Variants in PALM2AKAP2 observed in about 807,000 individuals in gnomAD.
The protein encoded by PALM2AKAP2 is PALM2-AKAP2 fusion protein.
In PALM2AKAP2, 37 loss-of-function variants were observed where a neutral mutation model predicts 71.5. The ratio of observed to expected loss-of-function variants is 0.52; its 90% confidence interval spans 0.40 to 0.68. PALM2AKAP2 has a LOEUF of 0.68. PALM2AKAP2 is among the 30% of genes least tolerant of loss of function. PALM2AKAP2 has a pLI of 0.00. For synonymous variants in PALM2AKAP2, 468 were observed against 478.8 expected, an observed-to-expected ratio of 0.98 and a Z score of 0.29; for missense variants, 1,224 against 1,191.8, an observed-to-expected ratio of 1.03 and a Z score of -0.40.
At chr9:110,029,110 C>A (rs1833233799) in intron 7 of PALM2AKAP2, among the ~76,000 whole-genome samples, 1 of 152,116 alleles carries the variant, frequency 6.6e-6, no homozygotes, top group Non-Finnish European at 1.5e-5. Context: ...CTGATCCATG[C>A]CAAGATTTGT....
chr9:110,051,620 A>AT (rs546973033), intron 1 of PALM2AKAP2, among the ~76,000 whole-genome samples: 61 of 152,328 alleles, frequency 4.0e-4, no homozygotes, highest in Admixed American at 1.8e-3. Flanking sequence ...GTGTTGAGGG[A>AT]TTTTAACAGT....
chr9:110,135,299 C>CAAAAAAA (rs71373970), intron 1 of PALM2AKAP2, among the ~76,000 whole-genome samples: 2 of 7,256 alleles, frequency 2.8e-4, no homozygotes, highest in Non-Finnish European at 4.8e-4. Context: ...AATCCCATCT[C>CAAAAAAA]AAAAAAAAAA....
chr9:109,878,693 G>A (rs1829771869), intron 2 of PALM2AKAP2, among the ~76,000 whole-genome samples: 1 of 152,140 alleles, frequency 6.6e-6, no homozygotes, highest in Non-Finnish European at 1.5e-5. Context: ...TCAATAGAAT[G>A]GTGAATCAGG....
intron 1 of PALM2AKAP2, among the ~76,000 whole-genome samples, chr9:109,786,461 C>G (rs908067180): frequency 6.6e-6 from 1 of 152,240 alleles, no homozygotes; most frequent in African/African-American, 2.4e-5. Context: ...GGTCATTCAT[C>G]TGTTATCTTA....
Position 109,714,684 on chromosome 9 carries a change from G to A in PALM2AKAP2, c.6-65804G>A, listed in dbSNP as rs889483552. Among the ~76,000 whole-genome samples the A allele has an allele frequency of 4.6e-5, 7 of 152,256 alleles. No homozygotes were observed. The South Asian group carries it at 1.2e-3, about 27-fold the overall frequency. ...TGACCATGTATTGAACACCAGTAGA[G>A]GATGCTGTGGTTCGTGCCCAGGATG... On this transcript the variant is annotated intron_variant, in intron 1 of 6. Coordinates refer to the PALM2AKAP2 transcript ENST00000374531.
chr9:110,108,734 TA>T (rs1266652406), intron 1 of PALM2AKAP2, among the ~76,000 whole-genome samples: 1 of 152,224 alleles, frequency 6.6e-6, no homozygotes, highest in Admixed American at 6.5e-5. Flanking sequence ...TGAATATAAT[TA>T]ATGCCACTGC....
intron 1 of PALM2AKAP2, among the ~76,000 whole-genome samples, chr9:109,724,788 A>G (rs1160923939): frequency 1.3e-5 from 2 of 152,170 alleles, no homozygotes; most frequent in African/African-American, 4.8e-5. Flanking sequence ...AGGCTGTCTG[A>G]CTCAAAAGCC....
At chr9:109,907,848 G>A (rs566765469) in intron 3 of PALM2AKAP2, among the ~76,000 whole-genome samples, 2 of 152,268 alleles carry the variant, frequency 1.3e-5, no homozygotes, top group African/African-American at 2.4e-5. Context: ...GAGCAGTTTG[G>A]ATCAGTTGGA....
rs575549222 is a variant in PALM2AKAP2 at position 110,035,981 on chromosome 9, G to A, written c.582+19942G>A. 1.2e-4 allele frequency among the ~76,000 whole-genome samples: 18 copies of A among 151,464 alleles called. No individual in the cohort carries two copies. The East Asian group carries it at 2.3e-3, about 20-fold the overall frequency. Reference sequence around the variant, plus strand: ...TGTTGAGATGGAGTCTTGCTCTGTCGCCCAGGCTCAAGTGCAGTGGCGTGA... The same window carrying A: ...TGTTGAGATGGAGTCTTGCTCTGTCACCCAGGCTCAAGTGCAGTGGCGTGA... On this transcript the variant is annotated intron_variant, in intron 7 of 9. Transcript: ENST00000302798.
At chr9:110,092,926 A>AC (rs1834748607) in intron 1 of PALM2AKAP2, among the ~76,000 whole-genome samples, 1 of 151,862 alleles carries the variant, frequency 6.6e-6, no homozygotes, top group South Asian at 2.1e-4. Context: ...GCTCCTTATG[A>AC]CCCCCAGGGA....
chr9:110,158,941 C>A (rs556474548), intron 3 of PALM2AKAP2, among the ~76,000 whole-genome samples: 3 of 152,344 alleles, frequency 2.0e-5, no homozygotes, highest in Non-Finnish European at 1.5e-5. Context: ...ATCAGTCAGG[C>A]TTCAAATGAG....
intron 1 of PALM2AKAP2, among the ~76,000 whole-genome samples, chr9:109,767,248 T>A (rs530091656): frequency 2.1e-4 from 32 of 152,232 alleles, no homozygotes; most frequent in African/African-American, 7.5e-4. Context: ...CTCCTACTGC[T>A]CCCTCCAACC....
intron 3 of PALM2AKAP2, among the ~76,000 whole-genome samples, chr9:110,165,313 C>CAT (rs1476256816): frequency 6.6e-6 from 1 of 150,460 alleles, no homozygotes; most frequent in African/African-American, 2.4e-5. Flanking sequence ...CACACACACA[C>CAT]ACACACACAC....
intron 1 of PALM2AKAP2, among the ~76,000 whole-genome samples, chr9:110,133,325 T>A (rs1289316637): frequency 1.3e-5 from 2 of 152,218 alleles, no homozygotes; most frequent in Non-Finnish European, 2.9e-5. Flanking sequence ...AAGCAATTTC[T>A]TCACTTGCCT....
chr9:109,733,680 T>C (rs1239660528), intron 1 of PALM2AKAP2, among the ~76,000 whole-genome samples: 1 of 152,230 alleles, frequency 6.6e-6, no homozygotes, highest in Non-Finnish European at 1.5e-5. Flanking sequence ...AAGGGAACTC[T>C]CTCTAAATGT....
In PALM2AKAP2 at chr9:109,813,489, G is replaced by A. The variant is rs541650209; in HGVS notation, c.45+32956G>A. The stretch of plus-strand genomic sequence containing the variant: ...TTTGCTGAAGCTGCCGCTTTTTAAT[G>A]TCTAACACCATGACGTCAGCATTTT... On this transcript the variant is annotated intron_variant, in intron 1 of 9. Transcript: ENST00000302798. Among the ~76,000 whole-genome samples, 60 of 152,196 alleles carry A rather than the reference G, an allele frequency of 3.9e-4. No individual in the cohort carries two copies. In the South Asian group the frequency reaches 7.5e-3, roughly 19 times the overall value.
chr9:109,712,527 A>T (rs1828257760), intron 1 of PALM2AKAP2, among the ~76,000 whole-genome samples: 1 of 152,222 alleles, frequency 6.6e-6, no homozygotes, highest in African/African-American at 2.4e-5. Context: ...AGTTGTTTTG[A>T]TGCCTTCTGT....
chr9:109,786,392 C>T (rs1471237237), intron 1 of PALM2AKAP2, among the ~76,000 whole-genome samples: 1 of 152,230 alleles, frequency 6.6e-6, no homozygotes, highest in African/African-American at 2.4e-5. Flanking sequence ...CATCCATGTT[C>T]CTTGTGGACT....
rs191679640 is a variant in PALM2AKAP2, at chr9:110,122,514, C to T, written c.157-13613C>T. On this transcript the variant is annotated intron_variant, in intron 1 of 3. Coordinates refer to ENST00000374525, the Ensembl canonical transcript of PALM2AKAP2. ...GTAGGTGGCTGCCATTGGCTGGGGT[C>T]TGCCCCTCTGCAGAGTGCATGATAA... is the stretch of plus-strand genomic sequence containing the variant. Among the ~76,000 whole-genome samples the T allele has an allele frequency of 8.1e-4, 124 of 152,300 alleles. 2 individuals carry two copies. Among genetic ancestry groups the T allele is most frequent in the Non-Finnish European group, 1.5e-4 (10 of 68,026 alleles).
Sources: allele counts gnomAD v4.1 joint callset (sites outside exome capture counted in the v4.1 genomes callset), GRCh38; gene constraint gnomAD v4.1.1; transcripts MANE v1.5; gene names NCBI Gene and HGNC (gene_info 2026-07-23, HGNC 2026-07-21).